COL25A1: variants seen among roughly 807,000 people sequenced by gnomAD.
COL25A1 encodes collagen alpha-1(XXV) chain.
COL25A1 carries 103 observed loss-of-function variants against 128.4 expected under a neutral mutation model. That is an observed-to-expected ratio of 0.80 (90% CI 0.68 to 0.94). The LOEUF is 0.94. COL25A1 is among the 40% of genes least tolerant of loss of function. The pLI, the probability that COL25A1 is intolerant of heterozygous loss-of-function variation, is 0.00. For synonymous variants in COL25A1, 279 were observed against 277.2 expected, an observed-to-expected ratio of 1.01 and a Z score of -0.06; for missense variants, 745 against 840.0, an observed-to-expected ratio of 0.89 and a Z score of 1.40.
intron 3 of COL25A1, among the ~76,000 whole-genome samples, chr4:109,091,912 G>A (rs146174830): frequency 5.9e-5 from 9 of 152,222 alleles, no homozygotes; most frequent in African/African-American, 1.4e-4. Context: ...GTGAGCCAGC[G>A]CTGTATGCCT....
At chr4:109,292,888 T>G (rs1724606089) in intron 3 of COL25A1, among the ~76,000 whole-genome samples, 1 of 152,124 alleles carries the variant, frequency 6.6e-6, no homozygotes, top group African/African-American at 2.4e-5. Flanking sequence ...TGATTTTTAG[T>G]GTTCCAAAGT....
At chr4:109,058,174 AGTT>A (rs1016291789) in intron 3 of COL25A1, among the ~76,000 whole-genome samples, 5 of 152,214 alleles carry the variant, frequency 3.3e-5, no homozygotes, top group African/African-American at 1.2e-4. Flanking sequence ...GATGTGGCAC[AGTT>A]GTTATTTCTA....
intron 32 of COL25A1, among the ~76,000 whole-genome samples, chr4:108,828,355 G>A (rs925527139): frequency 1.2e-4 from 18 of 152,084 alleles, no homozygotes; most frequent in Non-Finnish European, 2.4e-4. Context: ...GGCTGGTCTC[G>A]AAGTCCTGAT....
chr4:108,992,300 T>TA (rs1754309161), intron 6 of COL25A1, among the ~76,000 whole-genome samples: 1 of 152,224 alleles, frequency 6.6e-6, no homozygotes, highest in Non-Finnish European at 1.5e-5. Context: ...TGAAGGCCAT[T>TA]AATACAATGT....
intron 11 of COL25A1, chr4:108,920,897 A>C: frequency 4.0e-6 from 1 of 251,418 alleles, no homozygotes; most frequent in Non-Finnish European, 7.6e-6. Flanking sequence ...AATACCTATA[A>C]ATGTGTCACA....
intron 5 of COL25A1, among the ~76,000 whole-genome samples, chr4:109,033,309 T>G (rs1759043731): frequency 6.6e-6 from 1 of 152,200 alleles, no homozygotes. Context: ...GTTGTGCCAT[T>G]AGGCATGGGA....
chr4:109,053,879 A>G (rs1378362650), intron 3 of COL25A1, among the ~76,000 whole-genome samples: 1 of 152,116 alleles, frequency 6.6e-6, no homozygotes, highest in Non-Finnish European at 1.5e-5. Flanking sequence ...GCTTTTGGAG[A>G]GCAGGTATCA....
At chr4:109,252,908 C>T (rs530567974) in intron 3 of COL25A1, among the ~76,000 whole-genome samples, 1 of 152,328 alleles carries the variant, frequency 6.6e-6, no homozygotes, top group East Asian at 1.9e-4. Context: ...CCTCCTCTCT[C>T]AACTGATCAT....
At chr4:109,210,638 A>G (rs1172859202) in intron 3 of COL25A1, among the ~76,000 whole-genome samples, 1 of 152,102 alleles carries the variant, frequency 6.6e-6, no homozygotes, top group Non-Finnish European at 1.5e-5. Context: ...GATAACTCTT[A>G]TGTAATAAAA....
At chr4:108,835,674 C>A (rs1176543475) in intron 31 of COL25A1, among the ~76,000 whole-genome samples, 1 of 151,900 alleles carries the variant, frequency 6.6e-6, no homozygotes, top group Non-Finnish European at 1.5e-5. Context: ...CCTGCCTCAG[C>A]CTCCCGAGTA....
chr4:109,291,547 A>G (rs1469315909), intron 3 of COL25A1, among the ~76,000 whole-genome samples: 2 of 152,068 alleles, frequency 1.3e-5, no homozygotes, highest in Admixed American at 6.6e-5. Context: ...TTTAGGGGAG[A>G]GTTATTTTTC....
chr4:109,296,085 TC>T (rs1724952823), intron 3 of COL25A1, among the ~76,000 whole-genome samples: 1 of 152,082 alleles, frequency 6.6e-6, no homozygotes, highest in South Asian at 2.1e-4. Flanking sequence ...GAATAAGCCA[TC>T]ATCCTCCTGT....
chr4:109,226,707 A>G (rs1778821091), intron 3 of COL25A1, among the ~76,000 whole-genome samples: 1 of 152,200 alleles, frequency 6.6e-6, no homozygotes, highest in South Asian at 2.1e-4. Flanking sequence ...GGAACAAAAT[A>G]ATTAAAAAAT....
chr4:108,960,014 T>C (rs1421208129), intron 8 of COL25A1, among the ~76,000 whole-genome samples: 1 of 152,148 alleles, frequency 6.6e-6, no homozygotes, highest in East Asian at 1.9e-4. Context: ...TGAAAAGTGA[T>C]TTTGTACTGA....
chr4:109,299,181 C>T (rs908138770), intron 3 of COL25A1, among the ~76,000 whole-genome samples: 1 of 152,146 alleles, frequency 6.6e-6, no homozygotes, highest in Admixed American at 6.5e-5. Context: ...AAATGCTGGA[C>T]TCTACGTGGT....
At chr4:109,241,439 C>T (rs1044176560) in intron 3 of COL25A1, among the ~76,000 whole-genome samples, 9 of 151,718 alleles carry the variant, frequency 5.9e-5, no homozygotes, top group Non-Finnish European at 1.0e-4. Context: ...TAATAGAAAC[C>T]TTGTTTTAAT....
At chr4:109,047,078 T>C (rs1760492931) in intron 5 of COL25A1, among the ~76,000 whole-genome samples, 1 of 152,190 alleles carries the variant, frequency 6.6e-6, no homozygotes, top group Non-Finnish European at 1.5e-5. Context: ...CTCCATCTCA[T>C]GTTCTTTATG....
intron 3 of COL25A1, among the ~76,000 whole-genome samples, chr4:109,157,368 A>C (rs920109673): frequency 2.0e-5 from 3 of 152,210 alleles, no homozygotes; most frequent in Non-Finnish European, 2.9e-5. Flanking sequence ...TTAACTCAGC[A>C]TAGGAAATTC....
chr4:108,953,668 C>T (rs937960326), intron 8 of COL25A1, among the ~76,000 whole-genome samples: 18 of 152,220 alleles, frequency 1.2e-4, no homozygotes, highest in African/African-American at 4.3e-4. Flanking sequence ...GCTACATCTT[C>T]ACCTGCTCCA....
Sources: gnomAD v4.1 joint callset for allele counts (sites outside exome capture counted in the v4.1 genomes callset) on GRCh38, gnomAD v4.1.1 for gene constraint, MANE v1.5 for transcripts, NCBI Gene and HGNC (gene_info 2026-07-23, HGNC 2026-07-21) for gene names.